Variants in POLH observed in about 807,000 individuals in gnomAD.
The protein encoded by POLH is DNA polymerase eta transcript.
In POLH, 53 loss-of-function variants were observed where a neutral mutation model predicts 73.6. The observed-to-expected ratio is 0.72, with a 90% CI of 0.58 to 0.91. The LOEUF (loss-of-function observed/expected upper bound fraction) is 0.91. Ranked by LOEUF, POLH falls within the 40% of genes least tolerant of loss-of-function variation. The probability of loss-of-function intolerance (pLI) is 0.00; values close to 1 mark genes in which losing one functional copy is unlikely to be tolerated. For synonymous variants in POLH, 292 were observed against 308.5 expected (o/e 0.95, Z 0.56); for missense variants, 768 against 865.4 (o/e 0.89, Z 1.41).
At chr6:43,586,880 G>T (rs1402230474) in intron 3 of POLH, among the ~76,000 whole-genome samples, 2 of 151,702 alleles carry the variant, frequency 1.3e-5, no homozygotes, top group Non-Finnish European at 2.9e-5. Context: ...CCCTTTTTTT[G>T]AAGACAAAAT....
At chr6:43,587,169 G>C (rs1764913122) in intron 3 of POLH, 103 bp from the exon 4 acceptor site, 3 of 884,438 alleles carry the variant, frequency 3.4e-6, no homozygotes, top group Admixed American at 1.7e-5. Flanking sequence ...CATGTCTCTT[G>C]ATTACGTGTA....
At chr6:43,584,108 A>C (rs1044133188) in intron 3 of POLH, among the ~76,000 whole-genome samples, 2 of 152,194 alleles carry the variant, frequency 1.3e-5, no homozygotes, top group East Asian at 3.8e-4. Context: ...ACACCACTGC[A>C]CTCCGGTCTG....
At chr6:43,604,170 A>G (rs1233939536) in intron 7 of POLH, among the ~76,000 whole-genome samples, 159 bp downstream of exon 7, 1 of 152,180 alleles carries the variant, frequency 6.6e-6, no homozygotes, top group Non-Finnish European at 1.5e-5. Flanking sequence ...TTGGGTCACT[A>G]TGGCCCATCA....
chr6:43,605,309 A>G lies in POLH; in HGVS notation c.1064A>G (p.Asp355Gly). ...GAACTAGAGGAGAGACTGACTAAAG[A>G]CCGAAATGATGTAAGATTTTCTTTC... is the stretch of plus-strand genomic sequence containing the variant. ...AQELEERLTK[D>G]RNDNDRVATQ... The change falls in exon 9 of 11, where the codon GAC becomes GGC. Residue 355 changes from aspartate (D) to glycine (G), a missense_variant. By Grantham distance (94) the Asp-to-Gly change is moderately conservative. Coordinates refer to ENST00000372236, the MANE Select transcript of POLH (RefSeq NM_006502.3). 1.3e-6 allele frequency: 2 copies of G among 1,577,008 alleles called. No individual in the cohort carries two copies.
chr6:43,588,026 C>T (rs1765021246), intron 4 of POLH, among the ~76,000 whole-genome samples: 1 of 152,162 alleles, frequency 6.6e-6, no homozygotes, highest in Non-Finnish European at 1.5e-5. Flanking sequence ...GAGGGAGACT[C>T]CGTCTCAAAA....
chr6:43,577,466 A>G lies in POLH; in HGVS notation c.-5+1026A>G, dbSNP rs116356911. Among the ~76,000 whole-genome samples the G allele has an allele frequency of 4.9e-3, 746 of 152,298 alleles. 5 individuals carry two copies. The highest frequency in any genetic ancestry group is 0.016 in the African/African-American group (679 of 41,546). ...AGTAGAGGGACTTCTGGCATGTTAT[A>G]GTTTTAACTTGTAAATGTTTAAAGT... On this transcript the variant is annotated intron_variant, in intron 1 of 10. Transcript: ENST00000372236.
In POLH at chr6:43,582,428, G is replaced by A; in HGVS notation, c.109G>A (p.Val37Ile). Residue 37 changes from valine to isoleucine, a missense_variant, in exon 2 of 11, where the codon GTA (valine) becomes ATA (isoleucine). Val to Ile is a conservative substitution (Grantham distance 29). Coordinates refer to ENST00000372236, the MANE Select transcript of POLH (RefSeq NM_006502.3). ...PHLRNKPCAV[V>I]QYKSWKGGGI... is the part of the protein sequence containing the mutation. ...TTTGAGGAATAAACCTTGTGCAGTT[G>A]TACAGTACAAATCATGGAAGGGTGG... 1 of 1,613,992 alleles carries A rather than the reference G, an allele frequency of 6.2e-7. No homozygotes were observed. The highest frequency in any genetic ancestry group is 1.7e-5 in the Admixed American group (1 of 60,018).
In POLH at chr6:43,616,143, G is replaced by A. The variant is rs192075582; in HGVS notation, c.*1586G>A. 3.2e-3 allele frequency among the ~76,000 whole-genome samples: 484 copies of A among 152,124 alleles called. 4 individuals carry two copies. The highest frequency in any genetic ancestry group is 0.011 in the African/African-American group (451 of 41,518). ...ATACAAAAAAAAATTAGCCGGGTGC[G>A]GTGGCAGGCGCCTGTAGTCCCAGCT... is the stretch of plus-strand genomic sequence containing the variant. On this transcript the variant is annotated 3_prime_UTR_variant, in exon 11 of 11. Transcript: ENST00000372236.
Position 43,616,267 on chromosome 6 carries a change from G to A in POLH, c.*1710G>A, listed in dbSNP as rs1768335764. ...TGCACTCCAGCCTGGGTGACAGAGC[G>A]AGACTCCGTCTCAAAAAAAAAAAAA... On this transcript the variant is annotated 3_prime_UTR_variant, in exon 11 of 11. Transcript: ENST00000372236. Among the ~76,000 whole-genome samples, 5 of 147,834 alleles carry A rather than the reference G, an allele frequency of 3.4e-5. No individual in the cohort carries two copies. The South Asian group carries it at 6.5e-4, about 19-fold the overall frequency.
intron 3 of POLH, among the ~76,000 whole-genome samples, chr6:43,585,294 C>T (rs1477838459): frequency 6.6e-6 from 1 of 152,162 alleles, no homozygotes. Context: ...ACCCTGTCCT[C>T]TTGGGTTTTT....
At chr6:43,586,605 G>A (rs1186972693) in intron 3 of POLH, among the ~76,000 whole-genome samples, 1 of 152,106 alleles carries the variant, frequency 6.6e-6, no homozygotes, top group African/African-American at 2.4e-5. Flanking sequence ...TATACCCTGA[G>A]GAAGGTTGTC....
chr6:43,605,311 C>T lies in POLH; in HGVS notation c.1066C>T (p.Arg356Ter), dbSNP rs559497462. 1.7e-5 allele frequency: 27 copies of T among 1,567,528 alleles called. No homozygotes were observed. Among genetic ancestry groups the T allele is most frequent in the African/African-American group, 9.4e-5 (7 of 74,086 alleles). The change falls in exon 9 of 11, where the codon CGA becomes TGA. Residue 356 changes from arginine (R) to a stop codon, truncating the protein, a stop_gained. Coordinates refer to ENST00000372236, the MANE Select transcript of POLH (RefSeq NM_006502.3). LOFTEE classifies it high-confidence loss of function. ...QELEERLTKDRNDNDRVATQL... is the reference protein window; with the variant it reads ...QELEERLTKD ...ACTAGAGGAGAGACTGACTAAAGAC[C>T]GAAATGATGTAAGATTTTCTTTCTT...
chr6:43,604,705 C>T lies in POLH; in HGVS notation c.975C>T (p.Phe325=). ...LPKTIGCSKN[F]PGKTALATRE... The stretch of plus-strand genomic sequence containing the variant: ...AAACCATTGGCTGTAGTAAGAACTT[C>T]CCAGGAAAAACAGCTCTTGCTACTC... The change falls in exon 8 of 11, where the codon TTC becomes TTT. Residue 325 remains phenylalanine (F), a synonymous_variant. Transcript: ENST00000372236. 1 of 1,614,060 alleles carries T rather than the reference C, an allele frequency of 6.2e-7. No homozygotes were observed. The highest frequency in any genetic ancestry group is 8.5e-7 in the Non-Finnish European group (1 of 1,179,984).
intron 4 of POLH, among the ~76,000 whole-genome samples, chr6:43,592,380 C>T (rs1178313204): frequency 6.6e-6 from 1 of 151,818 alleles, no homozygotes; most frequent in African/African-American, 2.4e-5. Context: ...GCTCAGCCCT[C>T]CTGCATTTGC....
At chr6:43,594,119 A>C (rs1765782071) in intron 4 of POLH, among the ~76,000 whole-genome samples, 1 of 152,216 alleles carries the variant, frequency 6.6e-6, no homozygotes, top group Non-Finnish European at 1.5e-5. Flanking sequence ...GATTAAATTT[A>C]AAAATCTACA....
At chr6:43,597,431 A>G (rs147285541) in intron 4 of POLH, among the ~76,000 whole-genome samples, 79 of 152,312 alleles carry the variant, frequency 5.2e-4, no homozygotes, top group African/African-American at 1.8e-3. Context: ...GTGTTTTAAA[A>G]TCATTGCTCA....
At chr6:43,585,055 A>G (rs961936721) in intron 3 of POLH, among the ~76,000 whole-genome samples, 8 of 152,144 alleles carry the variant, frequency 5.3e-5, no homozygotes, top group African/African-American at 1.9e-4. Context: ...GCTACTCAGG[A>G]AGCTGAGGTG....
At position 43,597,725 on chromosome 6, in the gene POLH, T is replaced by C. The variant is rs1435384816; in HGVS notation, c.520T>C (p.Trp174Arg). The change falls in exon 5 of 11, where the codon TGG becomes CGG. Residue 174 changes from tryptophan to arginine, a missense_variant. Trp to Arg is a moderately radical substitution (Grantham distance 101). Coordinates refer to ENST00000372236, the MANE Select transcript of POLH (RefSeq NM_006502.3). ...EGMRKQGLFQ[W>R]LDSLQIDNLT... is the part of the protein sequence containing the mutation. ...GATGCGAAAACAAGGCTTATTTCAA[T>C]GGCTCGATTCTCTTCAGATTGATAA... The C allele has an allele frequency of 6.2e-7, 1 of 1,614,022 alleles. No individual in the cohort carries two copies. The highest frequency in any genetic ancestry group is 2.2e-5 in the East Asian group (1 of 44,894).
chr6:43,605,053 G>A (rs1767124581), intron 8 of POLH, among the ~76,000 whole-genome samples: 1 of 152,120 alleles, frequency 6.6e-6, no homozygotes, highest in Admixed American at 6.6e-5. Flanking sequence ...TGGCAAACAA[G>A]CAGGAAAAGA....
Sources: allele counts gnomAD v4.1 joint callset (sites outside exome capture counted in the v4.1 genomes callset), GRCh38; gene constraint gnomAD v4.1.1; transcripts MANE v1.5; gene names NCBI Gene and HGNC (gene_info 2026-07-23, HGNC 2026-07-21).